Variants in PRKN observed in about 807,000 individuals in gnomAD.
The protein encoded by PRKN is E3 ubiquitin-protein ligase parkin.
A neutral mutation model predicts 59.5 loss-of-function variants in PRKN; 56 were observed. The observed-to-expected ratio is 0.94, with a 90% CI of 0.76 to 1.18. The LOEUF (loss-of-function observed/expected upper bound fraction) is 1.18, where lower values mean the gene tolerates loss of function less well. PRKN is among the 50% of genes most tolerant of loss of function. The pLI is 0.00. For missense variants in PRKN, 657 were observed against 596.4 expected (o/e 1.10, Z -1.06); for synonymous variants, 250 against 222.1 (o/e 1.13, Z -1.12).
chr6:161,938,815 C>A (rs1779448112), intron 6 of PRKN, among the ~76,000 whole-genome samples: 1 of 152,112 alleles, frequency 6.6e-6, no homozygotes, highest in Non-Finnish European at 1.5e-5. Context: ...GTGAGTGATT[C>A]TTTCCTCCTC....
Position 161,377,871 on chromosome 6 carries a change from G to A in PRKN, c.1167+8923C>T, listed in dbSNP as rs555020018. On this transcript the variant is annotated intron_variant, in intron 10 of 11. Coordinates refer to ENST00000366898, the MANE Select transcript of PRKN (RefSeq NM_004562.3). This position sits in a 1 kb window ranked among gnomAD's most constrained non-coding sequence, Gnocchi z 4.2. ...CCCTCATGAGACCCCAAATCTGCTAGTGCATTCATCTTTGACTTCTGAGCC... is the reference window on the plus strand; with the variant it reads ...CCCTCATGAGACCCCAAATCTGCTAATGCATTCATCTTTGACTTCTGAGCC... Among the ~76,000 whole-genome samples, 1 of 152,164 alleles carries A rather than the reference G, an allele frequency of 6.6e-6. No individual in the cohort carries two copies. The highest frequency in any genetic ancestry group is 6.5e-5 in the Admixed American group (1 of 15,284).
At chr6:162,014,468 C>T (rs1232081351) in intron 5 of PRKN, among the ~76,000 whole-genome samples, 2 of 152,162 alleles carry the variant, frequency 1.3e-5, no homozygotes, top group African/African-American at 2.4e-5. Context: ...CTCACTGTGA[C>T]TCAGTCCACT....
intron 7 of PRKN, among the ~76,000 whole-genome samples, chr6:161,731,236 C>A (rs1334079780): frequency 6.6e-6 from 1 of 152,240 alleles, no homozygotes; most frequent in Admixed American, 6.5e-5. Context: ...GAATAAGGCA[C>A]AAACAATGGA....
intron 6 of PRKN, among the ~76,000 whole-genome samples, chr6:161,900,600 ATAT>A (rs1562376831): frequency 1.0e-5 from 1 of 95,346 alleles, no homozygotes; most frequent in Non-Finnish European, 2.1e-5. Context: ...AATATATTAT[ATAT>A]TAATATACTG....
chr6:162,218,350 T>G (rs988797088), intron 3 of PRKN, among the ~76,000 whole-genome samples: 2 of 152,146 alleles, frequency 1.3e-5, no homozygotes, highest in Admixed American at 1.3e-4. Context: ...ATCAGGAGGC[T>G]GTCGTGACTC....
chr6:162,577,009 C>G (rs1780585813), intron 1 of PRKN, among the ~76,000 whole-genome samples: 1 of 151,678 alleles, frequency 6.6e-6, no homozygotes, highest in African/African-American at 2.4e-5. Context: ...AAAGATAAAA[C>G]ATAAAAAATG....
At chr6:162,470,507 C>T (rs1227938568) in intron 1 of PRKN, among the ~76,000 whole-genome samples, 1 of 152,018 alleles carries the variant, frequency 6.6e-6, no homozygotes, top group African/African-American at 2.4e-5. Flanking sequence ...AGGAGAATCG[C>T]TTGAACCCGG....
intron 1 of PRKN, among the ~76,000 whole-genome samples, chr6:162,512,901 C>T (rs190431796): frequency 7.0e-4 from 107 of 152,244 alleles, no homozygotes; most frequent in African/African-American, 2.4e-3. Flanking sequence ...GTCTAGCATA[C>T]GGTGCTATGC....
intron 2 of PRKN, among the ~76,000 whole-genome samples, chr6:162,326,893 T>TA (rs568498597): frequency 7.7e-4 from 117 of 152,320 alleles, no homozygotes; most frequent in Non-Finnish European, 1.5e-3. Context: ...AGTTATGGTT[T>TA]AAAATCATGT....
chr6:162,129,422 AT>A (rs1413637983), intron 4 of PRKN, among the ~76,000 whole-genome samples: 1 of 152,210 alleles, frequency 6.6e-6, no homozygotes, highest in Non-Finnish European at 1.5e-5. Context: ...TGCTACTAAC[AT>A]AGATGAGGCA....
chr6:161,978,177 A>G (rs185087678), intron 5 of PRKN, among the ~76,000 whole-genome samples: 11,563 of 151,964 alleles, frequency 0.076, 509 homozygotes, highest in Middle Eastern at 0.11. Context: ...AGCCTCCCGA[A>G]TAGCTGGGAT....
chr6:162,655,577 C>A (rs908038093), intron 1 of PRKN, among the ~76,000 whole-genome samples: 1 of 151,858 alleles, frequency 6.6e-6, no homozygotes, highest in Non-Finnish European at 1.5e-5. Flanking sequence ...TACAGTACTG[C>A]CAGAATTACT....
intron 4 of PRKN, among the ~76,000 whole-genome samples, chr6:162,055,827 T>C (rs1354401844): frequency 2.6e-5 from 4 of 152,054 alleles, no homozygotes; most frequent in Admixed American, 2.6e-4. Flanking sequence ...CCTGGCACTT[T>C]GTAGCAGATG....
At chr6:162,009,152 C>T (rs369762369) in intron 5 of PRKN, among the ~76,000 whole-genome samples, 1 of 151,818 alleles carries the variant, frequency 6.6e-6, no homozygotes, top group South Asian at 2.1e-4. Flanking sequence ...ACTTGGGAGG[C>T]TGAGGCAGGA....
chr6:162,464,628 A>G, intron 1 of PRKN, among the ~76,000 whole-genome samples: 1 of 149,260 alleles, frequency 6.7e-6, no homozygotes, highest in Admixed American at 6.7e-5. Flanking sequence ...ATCCTGGCTA[A>G]CACAGTGATA....
intron 1 of PRKN, among the ~76,000 whole-genome samples, chr6:162,484,980 A>G (rs1277690580): frequency 6.6e-6 from 1 of 152,184 alleles, no homozygotes; most frequent in African/African-American, 2.4e-5. Flanking sequence ...GGCCTGTGGC[A>G]TATATTCTTT....
chr6:161,678,853 C>T lies in PRKN; in HGVS notation c.871+106919G>A, dbSNP rs576117550. Among the ~76,000 whole-genome samples, 8 of 152,148 alleles carry T rather than the reference C, an allele frequency of 5.3e-5. No individual in the cohort carries two copies. In the South Asian group the frequency reaches 8.3e-4, roughly 16 times the overall value. ...AAGTGCGGAGATTACAGGCATGAGC[C>T]GCTGTGCCCAGCCTAGGTGCCTGAT... On this transcript the variant is annotated intron_variant, in intron 7 of 11. Coordinates refer to ENST00000366898, the MANE Select transcript of PRKN (RefSeq NM_004562.3).
chr6:162,377,878 T>C (rs1277288634), intron 2 of PRKN, among the ~76,000 whole-genome samples: 2 of 152,174 alleles, frequency 1.3e-5, no homozygotes, highest in Non-Finnish European at 2.9e-5. Flanking sequence ...TAAGGCAATG[T>C]GGAATTTCAA....
chr6:161,828,998 G>T (rs1207601603), intron 6 of PRKN, among the ~76,000 whole-genome samples: 1 of 151,816 alleles, frequency 6.6e-6, no homozygotes, highest in Non-Finnish European at 1.5e-5. Flanking sequence ...AGGCCAAGGT[G>T]GGTGGATCCC....
Sources: allele counts gnomAD v4.1 joint callset (sites outside exome capture counted in the v4.1 genomes callset), GRCh38; gene constraint gnomAD v4.1.1; non-coding constraint Gnocchi (gnomAD v3.1); transcripts MANE v1.5; gene names NCBI Gene and HGNC (gene_info 2026-07-23, HGNC 2026-07-21).